TTC3: variants seen among roughly 807,000 people sequenced by gnomAD.
TTC3 encodes the protein E3 ubiquitin-protein ligase TTC3.
Under a neutral mutation model 249.6 loss-of-function variants are expected in TTC3, and 180 were observed. That is an observed-to-expected ratio of 0.72 (90% CI 0.64 to 0.82). The LOEUF is 0.82. Ranked by LOEUF, TTC3 falls within the 40% of genes least tolerant of loss-of-function variation. The pLI, the probability that TTC3 is intolerant of heterozygous loss-of-function variation, is 0.00. For synonymous variants in TTC3, 717 were observed against 805.0 expected (o/e 0.89, Z 1.85); for missense variants, 2,061 against 2,398.4 (o/e 0.86, Z 2.94).
chr21:37,077,311 G>C (rs2146857958), intron 1 of TTC3, among the ~76,000 whole-genome samples: 1 of 151,806 alleles, frequency 6.6e-6, no homozygotes, highest in East Asian at 1.9e-4. Context: ...AGCACTTTTG[G>C]TGGTTTGCGA....
At chr21:37,092,269 A>C (rs902490745) in intron 7 of TTC3, among the ~76,000 whole-genome samples, 3 of 152,240 alleles carry the variant, frequency 2.0e-5, no homozygotes, top group African/African-American at 7.2e-5. Context: ...AGATAAAGGC[A>C]AATTTTGCAC....
At chr21:37,188,474 T>G (rs1264693603) in intron 38 of TTC3, 21 bp from the exon 39 acceptor site, 1 of 1,590,354 alleles carries the variant, frequency 6.3e-7, no homozygotes, top group East Asian at 2.2e-5. Flanking sequence ...AATACTCATA[T>G]GTCTTCTGAT....
exon 14 of TTC3, chr21:37,124,649 T>G: frequency 5.0e-6 from 8 of 1,612,872 alleles, no homozygotes; most frequent in African/African-American, 1.3e-5. Flanking sequence ...TATCAGCACC[T>G]ATATTTACTA....
At chr21:37,105,504 C>T (rs2074991356) in intron 10 of TTC3, among the ~76,000 whole-genome samples, 1 of 152,088 alleles carries the variant, frequency 6.6e-6, no homozygotes, top group Non-Finnish European at 1.5e-5. Context: ...ACAACTTTGT[C>T]TTATGTCCTT....
In TTC3 at chr21:37,144,651, C is replaced by T. The variant is rs369210589; in HGVS notation, c.1893+6C>T. The T allele has an allele frequency of 6.4e-5, 102 of 1,602,728 alleles. No individual in the cohort carries two copies. The African/African-American group carries it at 1.1e-3, about 18-fold the overall frequency. ...CTCAGCCACAAAAAATAAAGGTAACCATTTATTTTTGCAGAGTGTTTCTTA... is the reference window on the plus strand; with the variant it reads ...CTCAGCCACAAAAAATAAAGGTAACTATTTATTTTTGCAGAGTGTTTCTTA... On this transcript the variant is annotated splice_donor_region_variant and intron_variant, in intron 21 of 45. Coordinates refer to ENST00000355666, the Ensembl canonical transcript of TTC3.
chr21:37,108,983 A>G (rs531699105), intron 11 of TTC3, among the ~76,000 whole-genome samples: 47 of 152,242 alleles, frequency 3.1e-4, no homozygotes, highest in Non-Finnish European at 6.2e-4. Flanking sequence ...AAAGTAAATA[A>G]GAAACCCCGT....
intron 27 of TTC3, 129 bp from the exon 28 acceptor site, chr21:37,156,526 C>A: frequency 8.7e-7 from 1 of 1,150,706 alleles, no homozygotes; most frequent in Non-Finnish European, 1.2e-6. Context: ...CTGTTCTCAA[C>A]TATTTAAATG....
Position 37,190,130 on chromosome 21 carries a change from C to CTTTTTTTTTTT in TTC3, c.5025-1185_5025-1175dup, listed in dbSNP as rs138862573. Among the ~76,000 whole-genome samples, 441 of 65,068 alleles carry CTTTTTTTTTTT rather than the reference C, an allele frequency of 6.8e-3. 25 individuals carry two copies. The highest frequency in any genetic ancestry group is 9.6e-3 in the Non-Finnish European group (347 of 36,292). The allele number at this position is 65,068 out of a possible 152,430, so 42.7% of individuals were successfully genotyped here. The stretch of plus-strand genomic sequence containing the variant: ...TTTTAGTGTATAGTTCTTTTTCTTT[C>CTTTTTTTTTTT]TTTTTTTTTTTTTTTTTTTTTTTTT... On this transcript the variant is annotated intron_variant, in intron 39 of 45. Coordinates refer to ENST00000355666, the Ensembl canonical transcript of TTC3.
At chr21:37,168,877 G>A (rs920597148) in intron 34 of TTC3, among the ~76,000 whole-genome samples, 56 of 152,112 alleles carry the variant, frequency 3.7e-4, no homozygotes, top group Middle Eastern at 3.2e-3. Flanking sequence ...GGTCATCTGC[G>A]GGAGTAACTG....
intron 10 of TTC3, among the ~76,000 whole-genome samples, chr21:37,101,583 C>A (rs563132411): frequency 6.6e-6 from 1 of 152,198 alleles, no homozygotes; most frequent in Non-Finnish European, 1.5e-5. Flanking sequence ...AGCTCTGACC[C>A]ATCCTCTGAT....
intron 17 of TTC3, 89 bp from the exon 18 acceptor site, chr21:37,135,291 T>C: frequency 7.4e-7 from 1 of 1,347,072 alleles, no homozygotes; most frequent in Non-Finnish European, 1.0e-6. Flanking sequence ...TATCATTAGT[T>C]ATAAAATATT....
chr21:37,078,697 G>C (rs950906265), intron 1 of TTC3, among the ~76,000 whole-genome samples: 4 of 151,930 alleles, frequency 2.6e-5, no homozygotes, highest in Non-Finnish European at 5.9e-5. Flanking sequence ...TATTTTTTCT[G>C]AAATTCCTTT....
rs534318259 is a variant in TTC3 at position 37,199,328 on chromosome 21, G to A, written c.5851-904G>A. Reference sequence around the variant, plus strand: ...TAAAGACCCAGATGGGACTCATTTTGTGCCTTCAAGGCGCTCAGAGTTAAG... The same window carrying A: ...TAAAGACCCAGATGGGACTCATTTTATGCCTTCAAGGCGCTCAGAGTTAAG... On this transcript the variant is annotated intron_variant, in intron 44 of 45. Transcript: ENST00000355666. 2.9e-4 allele frequency among the ~76,000 whole-genome samples: 44 copies of A among 152,364 alleles called. 1 individual carries two copies. The South Asian group carries it at 7.9e-3, about 27-fold the overall frequency.
At chr21:37,159,784 TG>T (rs34586966) in intron 29 of TTC3, 39 bp downstream of exon 29, 1,601,334 of 1,601,344 alleles carry the variant, frequency 1, 800,662 homozygotes, top group Middle Eastern at 1. Flanking sequence ...CGTTCTAATC[TG>T]ATGTTAAACC....
In TTC3 at chr21:37,166,592, C is replaced by T; in HGVS notation, c.4378C>T (p.His1460Tyr). The change falls in exon 33 of 46, where the codon CAC becomes TAC. Residue 1460 changes from histidine (H) to tyrosine (Y), a missense_variant. Physicochemically the swap from His to Tyr is moderately conservative, Grantham distance 83 (BLOSUM62 2). Transcript: ENST00000355666. ...CACCAGTGCAGTAACAAACATTCCACACGTGCAGATGGTTGCCATACAGGT... is the reference window on the plus strand; with the variant it reads ...CACCAGTGCAGTAACAAACATTCCATACGTGCAGATGGTTGCCATACAGGT... 1.9e-6 allele frequency: 3 copies of T among 1,613,046 alleles called. No individual in the cohort carries two copies. In the East Asian group the frequency reaches 6.7e-5, roughly 36 times the overall value.
At chr21:37,159,588 A>C (rs2080480020) in intron 28 of TTC3, 111 bp from the exon 29 acceptor site, 1 of 1,223,482 alleles carries the variant, frequency 8.2e-7, no homozygotes, top group Non-Finnish European at 1.1e-6. Flanking sequence ...CAAATAAGGA[A>C]TAGAACATGG....
At chr21:37,185,136 A>C (rs1262978647) in intron 36 of TTC3, among the ~76,000 whole-genome samples, 1 of 152,260 alleles carries the variant, frequency 6.6e-6, no homozygotes, top group Non-Finnish European at 1.5e-5. Flanking sequence ...TAGTAAACAG[A>C]GATGACTGCA....
At chr21:37,125,475 G>A (rs201216858) in intron 14 of TTC3, among the ~76,000 whole-genome samples, 72 of 151,092 alleles carry the variant, frequency 4.8e-4, no homozygotes, top group African/African-American at 5.8e-4. Flanking sequence ...CATAAGGATG[G>A]TTGTTGTTTA....
At chr21:37,191,584 T>A (rs1305921539) in intron 40 of TTC3, among the ~76,000 whole-genome samples, 160 bp downstream of exon 40, 1 of 152,200 alleles carries the variant, frequency 6.6e-6, no homozygotes, top group Non-Finnish European at 1.5e-5. Context: ...AATGGTTTTG[T>A]TTTGTTTTTT....
Sources: gnomAD v4.1 joint callset for allele counts (sites outside exome capture counted in the v4.1 genomes callset) on GRCh38, gnomAD v4.1.1 for gene constraint, MANE v1.5 for transcripts, NCBI Gene and HGNC (gene_info 2026-07-23, HGNC 2026-07-21) for gene names.